PRKD1: variants seen among roughly 807,000 people sequenced by gnomAD.
PRKD1 encodes protein kinase D1, also known as serine/threonine-protein kinase D1.
PRKD1 carries 63 observed loss-of-function variants against 95.9 expected under a neutral mutation model. That is an observed-to-expected ratio of 0.66 (90% CI 0.54 to 0.81). The LOEUF (loss-of-function observed/expected upper bound fraction) is 0.81, where lower values mean the gene tolerates loss of function less well. Ranked by LOEUF, PRKD1 falls within the 30% of genes least tolerant of loss-of-function variation. The probability of loss-of-function intolerance (pLI) is 0.00; values close to 1 mark genes in which losing one functional copy is unlikely to be tolerated. For synonymous variants in PRKD1, 425 were observed against 423.1 expected (o/e 1.00, Z -0.05); for missense variants, 1,048 against 1,165.3 (o/e 0.90, Z 1.47).
intron 1 of PRKD1, among the ~76,000 whole-genome samples, chr14:29,834,318 T>C (rs1351044412): frequency 6.6e-6 from 1 of 152,158 alleles, no homozygotes; most frequent in Non-Finnish European, 1.5e-5. Flanking sequence ...TGACATACTG[T>C]TGTGGAACTT....
chr14:29,831,122 C>G (rs1301511683), intron 1 of PRKD1, among the ~76,000 whole-genome samples: 5 of 152,190 alleles, frequency 3.3e-5, no homozygotes, highest in Non-Finnish European at 5.9e-5. Context: ...TGATATGATA[C>G]TTGCCAGGCA....
chr14:29,800,862 T>C (rs970511893), intron 1 of PRKD1, among the ~76,000 whole-genome samples: 2 of 152,136 alleles, frequency 1.3e-5, no homozygotes, highest in African/African-American at 4.8e-5. Flanking sequence ...CCACACTTGG[T>C]CCCTTCATGA....
In PRKD1 at chr14:29,676,177, GTTTTTGTT is replaced by G. The variant is rs1275437159; in HGVS notation, c.404-9977_404-9970del. ...GCTGTAGGCATGCATAGTTCATTAC[GTTTTTGTT>G]TTTTTTTTTTTTTTTTTTGCTGAGT... On this transcript the variant is annotated intron_variant, in intron 2 of 17. Coordinates refer to ENST00000331968, the MANE Select transcript of PRKD1 (RefSeq NM_002742.3). Among the ~76,000 whole-genome samples, 17 of 104,756 alleles carry G rather than the reference GTTTTTGTT, an allele frequency of 1.6e-4. 1 individual carries two copies. The highest frequency in any genetic ancestry group is 5.4e-4 in the African/African-American group (13 of 23,884). The allele number at this position is 104,756 out of a possible 152,430, so 68.7% of individuals were successfully genotyped here. A position where few individuals can be genotyped will look rare whatever the true frequency, so the allele number is the denominator to read the frequency against.
chr14:29,653,638 T>G (rs1022458468), intron 4 of PRKD1, among the ~76,000 whole-genome samples: 1 of 152,108 alleles, frequency 6.6e-6, no homozygotes, highest in Non-Finnish European at 1.5e-5. Context: ...TCTGGCCATG[T>G]TGATTTATTT....
At chr14:29,871,369 T>C (rs1266330270) in intron 1 of PRKD1, among the ~76,000 whole-genome samples, 1 of 152,220 alleles carries the variant, frequency 6.6e-6, no homozygotes, top group Non-Finnish European at 1.5e-5. Context: ...AAAGAGTACT[T>C]AAAAGTTGTG....
At chr14:29,694,561 AGAGAT>A (rs1407643227) in intron 2 of PRKD1, among the ~76,000 whole-genome samples, 1 of 152,252 alleles carries the variant, frequency 6.6e-6, no homozygotes, top group Non-Finnish European at 1.5e-5. Flanking sequence ...AATAACAGAT[AGAGAT>A]GTTTCCTCTA....
In PRKD1 at chr14:29,787,043, T is replaced by C. The variant is rs552028952; in HGVS notation, c.265-61369A>G. Among the ~76,000 whole-genome samples the C allele has an allele frequency of 5.9e-5, 9 of 152,188 alleles. No homozygotes were observed. The South Asian group carries it at 1.9e-3, about 32-fold the overall frequency. ...TAAGTTGTTCTTCAATTTTCATTTG[T>C]TCCGAGACGTTTTTAAATTTCCTTC... On this transcript the variant is annotated intron_variant, in intron 1 of 17. Transcript: ENST00000331968.
intron 1 of PRKD1, among the ~76,000 whole-genome samples, chr14:29,786,147 T>C (rs1396812889): frequency 6.6e-6 from 1 of 152,214 alleles, no homozygotes; most frequent in Non-Finnish European, 1.5e-5. Context: ...ATCACATTTA[T>C]TGATTTATGT....
At chr14:29,780,170 A>T (rs569359064) in intron 1 of PRKD1, among the ~76,000 whole-genome samples, 1 of 152,322 alleles carries the variant, frequency 6.6e-6, no homozygotes, top group South Asian at 2.1e-4. Context: ...TATTAGACCT[A>T]AAACCATAAA....
chr14:29,649,464 A>T, intron 4 of PRKD1, among the ~76,000 whole-genome samples: 2 of 149,912 alleles, frequency 1.3e-5, no homozygotes, highest in Non-Finnish European at 3.0e-5. Context: ...TTTACTGGTG[A>T]AGTTTTTACT....
intron 6 of PRKD1, 60 bp downstream of exon 6, chr14:29,638,429 A>G: frequency 1.3e-6 from 2 of 1,574,430 alleles, no homozygotes; most frequent in Non-Finnish European, 1.7e-6. Flanking sequence ...GACTAAAATT[A>G]CATCACCACA....
chr14:29,813,037 G>A (rs1015573628), intron 1 of PRKD1, among the ~76,000 whole-genome samples: 4 of 152,158 alleles, frequency 2.6e-5, no homozygotes, highest in African/African-American at 9.7e-5. Context: ...TTGAACCTGG[G>A]AGGTGGAGGT....
At chr14:29,668,663 G>A (rs767434853) in intron 2 of PRKD1, among the ~76,000 whole-genome samples, 1 of 152,092 alleles carries the variant, frequency 6.6e-6, no homozygotes, top group Non-Finnish European at 1.5e-5. Context: ...AAGAAATAAG[G>A]CTTCTGAAGC....
At chr14:29,660,245 C>G (rs1433203140) in intron 4 of PRKD1, among the ~76,000 whole-genome samples, 1 of 152,192 alleles carries the variant, frequency 6.6e-6, no homozygotes, top group Non-Finnish European at 1.5e-5. Flanking sequence ...GACTCTATTT[C>G]ATCGGTTAAT....
At chr14:29,614,111 A>C (rs1026595553) in intron 13 of PRKD1, among the ~76,000 whole-genome samples, 1 of 152,184 alleles carries the variant, frequency 6.6e-6, no homozygotes, top group African/African-American at 2.4e-5. Flanking sequence ...TTCTAAAAGG[A>C]AGGCATGGAT....
At chr14:29,842,947 G>A (rs959254446) in intron 1 of PRKD1, among the ~76,000 whole-genome samples, 1 of 152,084 alleles carries the variant, frequency 6.6e-6, no homozygotes, top group Non-Finnish European at 1.5e-5. Context: ...ATCCAAAAGT[G>A]AAATGGTAAA....
At chr14:29,768,882 T>A (rs1287530589) in intron 1 of PRKD1, among the ~76,000 whole-genome samples, 1 of 152,120 alleles carries the variant, frequency 6.6e-6, no homozygotes, top group Non-Finnish European at 1.5e-5. Flanking sequence ...TGTATAACTA[T>A]CCTTGGTTAC....
chr14:29,589,969 AC>A (rs1210663152), intron 16 of PRKD1, among the ~76,000 whole-genome samples: 1 of 152,148 alleles, frequency 6.6e-6, no homozygotes, highest in East Asian at 1.9e-4. Flanking sequence ...TGTTTCATTG[AC>A]CCTAAACTAG....
intron 2 of PRKD1, among the ~76,000 whole-genome samples, chr14:29,716,608 G>A (rs1241902430): frequency 6.6e-6 from 1 of 152,166 alleles, no homozygotes; most frequent in Non-Finnish European, 1.5e-5. Flanking sequence ...ATGAAACACA[G>A]AGGCTCCAGA....
Sources: allele counts gnomAD v4.1 joint callset (sites outside exome capture counted in the v4.1 genomes callset), GRCh38; gene constraint gnomAD v4.1.1; transcripts MANE v1.5; gene names NCBI Gene and HGNC (gene_info 2026-07-23, HGNC 2026-07-21).